Variants in SPAG16 observed in about 807,000 individuals in gnomAD.
The protein encoded by SPAG16 is sperm associated antigen 16.
A neutral mutation model predicts 80.4 loss-of-function variants in SPAG16; 86 were observed. That is an observed-to-expected ratio of 1.07 (90% CI 0.90 to 1.28). SPAG16 has a LOEUF of 1.28. Among genes scored for constraint, SPAG16 ranks in the 50% most tolerant of loss-of-function variants. The probability of loss-of-function intolerance (pLI) is 0.00; values close to 1 mark genes in which losing one functional copy is unlikely to be tolerated. For missense variants in SPAG16, 870 were observed against 765.3 expected (o/e 1.14, Z -1.61); for synonymous variants, 294 against 265.9 (o/e 1.11, Z -1.03).
chr2:213,806,350 T>C (rs1330756399), intron 10 of SPAG16, among the ~76,000 whole-genome samples: 1 of 152,154 alleles, frequency 6.6e-6, no homozygotes, highest in East Asian at 1.9e-4. Context: ...TAGGTAAATG[T>C]TTACAGTTAA....
chr2:213,843,331 C>T (rs1381498654), intron 10 of SPAG16, among the ~76,000 whole-genome samples: 4 of 152,004 alleles, frequency 2.6e-5, no homozygotes, highest in Admixed American at 6.6e-5. Context: ...CATACAGAAC[C>T]GTACAATCCA....
chr2:214,392,913 TTC>T (rs1701173681), intron 15 of SPAG16, among the ~76,000 whole-genome samples: 1 of 152,216 alleles, frequency 6.6e-6, no homozygotes, highest in Admixed American at 6.5e-5. Context: ...GAGTCTAATA[TTC>T]TCTCTTAATA....
At chr2:213,797,192 A>C (rs1227652445) in intron 10 of SPAG16, among the ~76,000 whole-genome samples, 1 of 152,196 alleles carries the variant, frequency 6.6e-6, no homozygotes, top group African/African-American at 2.4e-5. Context: ...CAGTTTATAA[A>C]GTAAAAATGT....
At chr2:214,169,985 A>G (rs938505649) in intron 15 of SPAG16, among the ~76,000 whole-genome samples, 3 of 152,060 alleles carry the variant, frequency 2.0e-5, no homozygotes, top group East Asian at 1.9e-4. Flanking sequence ...GAGTTCATCA[A>G]AGACATTTCT....
At chr2:213,540,500 A>G (rs942353108) in intron 10 of SPAG16, among the ~76,000 whole-genome samples, 1 of 152,206 alleles carries the variant, frequency 6.6e-6, no homozygotes, top group African/African-American at 2.4e-5. Context: ...TATATAAATC[A>G]ATGAAAATTT....
intron 10 of SPAG16, among the ~76,000 whole-genome samples, chr2:213,777,757 G>C (rs2069693612): frequency 6.6e-6 from 1 of 151,996 alleles, no homozygotes; most frequent in South Asian, 2.1e-4. Context: ...GGCTGGTCTT[G>C]AACTCCTGAC....
chr2:214,087,735 A>T (rs1240609354), intron 13 of SPAG16, among the ~76,000 whole-genome samples: 1 of 152,082 alleles, frequency 6.6e-6, no homozygotes, highest in Non-Finnish European at 1.5e-5. Context: ...TGAAAATGGG[A>T]GTCAAAAATT....
chr2:214,340,090 A>G (rs887885165), intron 15 of SPAG16, among the ~76,000 whole-genome samples: 4 of 152,184 alleles, frequency 2.6e-5, no homozygotes, highest in Non-Finnish European at 5.9e-5. Context: ...TGCATTCTAC[A>G]TGCAAGGGAG....
chr2:214,337,662 C>T (rs1202196551), intron 15 of SPAG16, among the ~76,000 whole-genome samples: 3 of 152,150 alleles, frequency 2.0e-5, no homozygotes, highest in Non-Finnish European at 4.4e-5. Context: ...AGGGGATGAT[C>T]CAATGCTGGT....
At chr2:213,986,891 C>CAAAAAAAAAAAAAA (rs369965944) in intron 12 of SPAG16, among the ~76,000 whole-genome samples, 2 of 57,638 alleles carry the variant, frequency 3.5e-5, no homozygotes, top group African/African-American at 5.2e-5. Flanking sequence ...TCTGGTATAG[C>CAAAAAAAAAAAAAA]AAAAAAAAAA....
chr2:213,465,364 G>C (rs941061722), intron 9 of SPAG16, among the ~76,000 whole-genome samples: 2 of 152,178 alleles, frequency 1.3e-5, no homozygotes, highest in East Asian at 3.9e-4. Context: ...GATGACTACT[G>C]TGTATTCTCC....
chr2:214,381,671 C>G (rs1399735765), intron 15 of SPAG16, among the ~76,000 whole-genome samples: 2 of 152,224 alleles, frequency 1.3e-5, no homozygotes, highest in Non-Finnish European at 2.9e-5. Flanking sequence ...AGCAACATCA[C>G]TATCTGTGCC....
chr2:213,737,255 A>G lies in SPAG16; in HGVS notation c.1071-125230A>G, dbSNP rs1453843278. ...CAAAAAGGGGAATCTACACCTTCAC[A>G]CTATTCTATTCACGTTTGCACTTTC... On this transcript the variant is annotated intron_variant, in intron 10 of 15. Coordinates refer to ENST00000331683, the MANE Select transcript of SPAG16 (RefSeq NM_024532.5). Among the ~76,000 whole-genome samples the G allele has an allele frequency of 2.6e-5, 4 of 152,180 alleles. No individual in the cohort carries two copies. In the East Asian group the frequency reaches 5.8e-4, roughly 22 times the overall value.
intron 10 of SPAG16, among the ~76,000 whole-genome samples, chr2:213,658,108 T>C (rs2063286242): frequency 1.3e-5 from 2 of 152,284 alleles, no homozygotes; most frequent in South Asian, 4.1e-4. Flanking sequence ...AGGTGTTTCC[T>C]TCCAGAATAA....
intron 11 of SPAG16, among the ~76,000 whole-genome samples, chr2:213,916,971 T>A (rs1575544941): frequency 6.6e-6 from 1 of 152,318 alleles, no homozygotes; most frequent in South Asian, 2.1e-4. Context: ...TATTTTTGTA[T>A]GTGGTATAAG....
At chr2:214,051,701 G>C (rs1352377602) in intron 13 of SPAG16, among the ~76,000 whole-genome samples, 1 of 152,182 alleles carries the variant, frequency 6.6e-6, no homozygotes, top group East Asian at 1.9e-4. Flanking sequence ...AGTTCAGATA[G>C]ATGCAGTTTA....
intron 11 of SPAG16, among the ~76,000 whole-genome samples, chr2:213,878,408 T>C (rs1048250635): frequency 6.6e-6 from 1 of 151,944 alleles, no homozygotes; most frequent in Non-Finnish European, 1.5e-5. Flanking sequence ...TGTTTTTAAC[T>C]TGTATTTGTC....
chr2:213,609,961 G>A (rs947656107), intron 10 of SPAG16, among the ~76,000 whole-genome samples: 1 of 151,850 alleles, frequency 6.6e-6, no homozygotes, highest in Admixed American at 6.6e-5. Context: ...CCTTCAATTA[G>A]GGATTAGTCA....
chr2:213,503,255 A>C (rs182704244), intron 10 of SPAG16, among the ~76,000 whole-genome samples: 2 of 152,286 alleles, frequency 1.3e-5, no homozygotes, highest in Non-Finnish European at 2.9e-5. Flanking sequence ...GAAGACATTG[A>C]AATGTTGATT....
Sources: gnomAD v4.1 joint callset for allele counts (sites outside exome capture counted in the v4.1 genomes callset) on GRCh38, gnomAD v4.1.1 for gene constraint, MANE v1.5 for transcripts, NCBI Gene and HGNC (gene_info 2026-07-23, HGNC 2026-07-21) for gene names.